The following TBC1D32 variants were observed in gnomAD, a reference collection of about 807,000 sequenced individuals.
TBC1D32 encodes the protein TBC1 domain family member 32.
Under a neutral mutation model 170.3 loss-of-function variants are expected in TBC1D32, and 151 were observed. The observed-to-expected ratio is 0.89, with a 90% CI of 0.78 to 1.01. The LOEUF (loss-of-function observed/expected upper bound fraction) is 1.01, where lower values mean the gene tolerates loss of function less well. Ranked by LOEUF, TBC1D32 falls within the 50% of genes least tolerant of loss-of-function variation. The pLI is 0.00. For missense variants in TBC1D32, 1,464 were observed against 1,457.1 expected, an observed-to-expected ratio of 1.00 and a Z score of -0.08; for synonymous variants, 498 against 488.0, an observed-to-expected ratio of 1.02 and a Z score of -0.27.
intron 24 of TBC1D32, among the ~76,000 whole-genome samples, chr6:121,132,719 C>T (rs974049281): frequency 2.6e-5 from 4 of 151,830 alleles, no homozygotes; most frequent in Non-Finnish European, 4.4e-5. Context: ...GTATTTATGG[C>T]TAAAATGTAA....
chr6:121,302,558 A>T (rs940794479), intron 9 of TBC1D32, among the ~76,000 whole-genome samples: 10 of 152,208 alleles, frequency 6.6e-5, no homozygotes, highest in African/African-American at 2.4e-4. Context: ...AAGATGACCT[A>T]AACAGATAAA....
At chr6:121,241,612 C>T (rs1035411822) in intron 18 of TBC1D32, 60 bp from the exon 19 acceptor site, 1 of 1,346,418 alleles carries the variant, frequency 7.4e-7, no homozygotes, top group African/African-American at 1.4e-5. Flanking sequence ...GCTAACTAGA[C>T]ATTCCTTCAA....
chr6:121,116,479 A>G (rs936682378), intron 26 of TBC1D32, among the ~76,000 whole-genome samples: 1 of 152,246 alleles, frequency 6.6e-6, no homozygotes, highest in African/African-American at 2.4e-5. Flanking sequence ...GCTAGGAAGA[A>G]GTGGTATTTA....
chr6:121,251,329 A>G lies in TBC1D32; in HGVS notation c.2018+3999T>C, dbSNP rs148274583. ...ATCATGCTACCTGACTTCAAGCTAT[A>G]CTACAAGGCTATGATAACCAAAAGA... On this transcript the variant is annotated intron_variant, in intron 17 of 31. Transcript: ENST00000398212. Among the ~76,000 whole-genome samples, 3 of 152,264 alleles carry G rather than the reference A, an allele frequency of 2.0e-5. No homozygotes were observed. In the East Asian group the frequency reaches 5.8e-4, roughly 29 times the overall value.
intron 25 of TBC1D32, among the ~76,000 whole-genome samples, chr6:121,128,958 G>A (rs1469968549): frequency 3.3e-5 from 5 of 152,144 alleles, no homozygotes; most frequent in African/African-American, 1.2e-4. Flanking sequence ...TTATAATAGA[G>A]GCTGAAGGGA....
Position 121,294,624 on chromosome 6 carries a change from CA to C in TBC1D32, c.1176del (p.Phe392LeufsTer29). On this transcript the variant is annotated frameshift_variant, in exon 11 of 32. Coordinates refer to ENST00000398212, the MANE Select transcript of TBC1D32 (RefSeq NM_152730.6). LOFTEE classifies it high-confidence loss of function. Reference protein sequence around the residue: ...TTAIQQCVQYFEMCKTRKADE... With the variant: ...TTAIQQCVQYXEMCKTRKADE... ...TCAGCTTTCCTAGTCTTACACATTT[CA>C]AAGTACTGAACACACTGTTGAATGG... 6.2e-7 allele frequency: 1 copy of C among 1,612,464 alleles called. No individual in the cohort carries two copies. The highest frequency in any genetic ancestry group is 8.5e-7 in the Non-Finnish European group (1 of 1,179,408).
intron 30 of TBC1D32, among the ~76,000 whole-genome samples, chr6:121,102,496 C>T (rs948108103): frequency 1.3e-5 from 2 of 152,056 alleles, no homozygotes; most frequent in Admixed American, 6.6e-5. Flanking sequence ...GGAAACAATT[C>T]CCTATTTAAT....
intron 1 of TBC1D32, among the ~76,000 whole-genome samples, chr6:121,326,550 T>C (rs1260710377): frequency 6.6e-6 from 1 of 152,180 alleles, no homozygotes; most frequent in Non-Finnish European, 1.5e-5. Flanking sequence ...AAATAGCAAA[T>C]ATCCTGGAAA....
chr6:121,155,940 T>G (rs999720649), intron 24 of TBC1D32, among the ~76,000 whole-genome samples: 5 of 152,088 alleles, frequency 3.3e-5, no homozygotes, highest in South Asian at 2.1e-4. Context: ...AAATTTTTTT[T>G]GCCTATGTTC....
chr6:121,286,972 A>C (rs1234402561), intron 12 of TBC1D32, among the ~76,000 whole-genome samples: 1 of 152,200 alleles, frequency 6.6e-6, no homozygotes, highest in African/African-American at 2.4e-5. Flanking sequence ...TGTCACCACC[A>C]GGCCTGCCCT....
chr6:121,151,115 T>C (rs1784158673), intron 24 of TBC1D32, among the ~76,000 whole-genome samples: 1 of 152,202 alleles, frequency 6.6e-6, no homozygotes, highest in Non-Finnish European at 1.5e-5. Context: ...ATTTTAGGTC[T>C]TTCCCACTTT....
At chr6:121,270,115 A>G (rs1354550522) in intron 15 of TBC1D32, among the ~76,000 whole-genome samples, 1 of 152,146 alleles carries the variant, frequency 6.6e-6, no homozygotes, top group African/African-American at 2.4e-5. Flanking sequence ...TCAAAGCAGT[A>G]TGCAGAGGGA....
chr6:121,146,734 T>C (rs1216504104), intron 24 of TBC1D32, among the ~76,000 whole-genome samples: 2 of 152,226 alleles, frequency 1.3e-5, no homozygotes, highest in Non-Finnish European at 2.9e-5. Flanking sequence ...AAAATAAAAT[T>C]ATACTTCTCT....
intron 30 of TBC1D32, among the ~76,000 whole-genome samples, chr6:121,101,124 C>T (rs1446060666): frequency 2.6e-5 from 4 of 151,978 alleles, no homozygotes; most frequent in Non-Finnish European, 5.9e-5. Context: ...AAGTCCAGGA[C>T]CAGATGGATT....
intron 14 of TBC1D32, 80 bp from the exon 15 acceptor site, chr6:121,279,325 G>C: frequency 6.8e-7 from 1 of 1,473,260 alleles, no homozygotes; most frequent in Admixed American, 2.4e-5. Flanking sequence ...TCCGAGGATT[G>C]TAAGTAGTCT....
chr6:121,199,694 T>A (rs2128297632), intron 22 of TBC1D32, among the ~76,000 whole-genome samples: 1 of 151,448 alleles, frequency 6.6e-6, no homozygotes, highest in South Asian at 2.1e-4. Context: ...TTTGTCATCA[T>A]GTTATATTCT....
At chr6:121,287,699 C>T (rs748486381) in intron 12 of TBC1D32, among the ~76,000 whole-genome samples, 1 of 152,158 alleles carries the variant, frequency 6.6e-6, no homozygotes, top group Non-Finnish European at 1.5e-5. Context: ...ACAGAATATA[C>T]ATTCTTCCCA....
chr6:121,184,368 A>C (rs1216775820), intron 22 of TBC1D32, among the ~76,000 whole-genome samples: 2 of 151,982 alleles, frequency 1.3e-5, no homozygotes, highest in African/African-American at 4.8e-5. Flanking sequence ...TTGCCATCTC[A>C]GTAAAGTTTC....
At chr6:121,155,698 G>A (rs1784791076) in intron 24 of TBC1D32, among the ~76,000 whole-genome samples, 1 of 152,074 alleles carries the variant, frequency 6.6e-6, no homozygotes, top group African/African-American at 2.4e-5. Context: ...CTAGCCTATT[G>A]AGGGTTTTTA....
Sources: allele counts gnomAD v4.1 joint callset (sites outside exome capture counted in the v4.1 genomes callset), GRCh38; gene constraint gnomAD v4.1.1; transcripts MANE v1.5; gene names NCBI Gene and HGNC (gene_info 2026-07-23, HGNC 2026-07-21).